Variants in PAPPA2 observed in about 807,000 individuals in gnomAD.
The protein encoded by PAPPA2 is pappalysin-2.
In PAPPA2, 86 loss-of-function variants were observed where a neutral mutation model predicts 176.4. That is an observed-to-expected ratio of 0.49 (90% confidence interval 0.41 to 0.58). The LOEUF (loss-of-function observed/expected upper bound fraction) is 0.58, where lower values mean the gene tolerates loss of function less well. PAPPA2 is among the 20% of genes least tolerant of loss of function. The probability of loss-of-function intolerance (pLI) is 0.00; values close to 1 mark genes in which losing one functional copy is unlikely to be tolerated. For synonymous variants in PAPPA2, 809 were observed against 852.2 expected (o/e 0.95, Z 0.88); for missense variants, 2,073 against 2,256.9 (o/e 0.92, Z 1.65).
intron 4 of PAPPA2, among the ~76,000 whole-genome samples, chr1:176,674,979 C>A (rs980334164): frequency 9.2e-5 from 14 of 151,980 alleles, no homozygotes; most frequent in Non-Finnish European, 1.6e-4. Flanking sequence ...GCCTTTCTTG[C>A]AGGAGTAATG....
chr1:176,517,496 A>C (rs974421644), intron 1 of PAPPA2, among the ~76,000 whole-genome samples: 2 of 152,184 alleles, frequency 1.3e-5, no homozygotes, highest in East Asian at 3.8e-4. Flanking sequence ...TAAAAAGGAA[A>C]CTATCAATGT....
At chr1:176,585,569 G>T (rs1047413240) in intron 2 of PAPPA2, among the ~76,000 whole-genome samples, 5 of 151,956 alleles carry the variant, frequency 3.3e-5, no homozygotes, top group African/African-American at 1.2e-4. Flanking sequence ...CATTAAATAG[G>T]TTTCCTTCAC....
chr1:176,715,909 TG>T (rs1202499090), intron 12 of PAPPA2, among the ~76,000 whole-genome samples: 1 of 152,052 alleles, frequency 6.6e-6, no homozygotes, highest in Non-Finnish European at 1.5e-5. Context: ...AACAAACTAG[TG>T]CTGGATTATT....
At chr1:176,799,377 C>A (rs1665574147) in intron 20 of PAPPA2, among the ~76,000 whole-genome samples, 1 of 152,174 alleles carries the variant, frequency 6.6e-6, no homozygotes, top group Non-Finnish European at 1.5e-5. Flanking sequence ...AAGAGGCAGT[C>A]AACAGCATCT....
chr1:176,826,227 A>G (rs536564651), intron 21 of PAPPA2, among the ~76,000 whole-genome samples: 7 of 152,330 alleles, frequency 4.6e-5, no homozygotes, highest in African/African-American at 1.7e-4. Flanking sequence ...AGAAAATACA[A>G]CTGAGAGATG....
chr1:176,750,566 C>T lies in PAPPA2; in HGVS notation c.4151+10370C>T, dbSNP rs149729404. 5.4e-3 allele frequency among the ~76,000 whole-genome samples: 822 copies of T among 152,196 alleles called. 9 individuals carry two copies. The highest frequency in any genetic ancestry group is 0.018 in the African/African-American group (752 of 41,528). Reference sequence around the variant, plus strand: ...GTTGCAGTGAACCGAGATCGCACCACTGCACTCCAGCCTGGGTGACAGAGC... The same window carrying T: ...GTTGCAGTGAACCGAGATCGCACCATTGCACTCCAGCCTGGGTGACAGAGC... On this transcript the variant is annotated intron_variant, in intron 14 of 22. Transcript: ENST00000367662.
intron 14 of PAPPA2, among the ~76,000 whole-genome samples, chr1:176,755,378 A>C (rs550044922): frequency 6.6e-6 from 1 of 152,194 alleles, no homozygotes; most frequent in Non-Finnish European, 1.5e-5. Context: ...CAGAGCAGCC[A>C]GGCTACCCTG....
intron 1 of PAPPA2, among the ~76,000 whole-genome samples, chr1:176,494,352 C>G (rs1647478823): frequency 6.6e-6 from 1 of 152,150 alleles, no homozygotes; most frequent in African/African-American, 2.4e-5. Context: ...GGAGGCCACA[C>G]ACAACACATA....
chr1:176,678,408 TA>T (rs931023429), intron 4 of PAPPA2, among the ~76,000 whole-genome samples: 5 of 151,526 alleles, frequency 3.3e-5, no homozygotes, highest in Non-Finnish European at 5.9e-5. Context: ...ATCATTTATT[TA>T]AAAAAAATCA....
intron 4 of PAPPA2, among the ~76,000 whole-genome samples, chr1:176,685,008 TG>T (rs888124665): frequency 1.7e-4 from 26 of 151,740 alleles, no homozygotes; most frequent in African/African-American, 5.6e-4. Flanking sequence ...TTGATGAGGT[TG>T]TTCTCCTACT....
chr1:176,582,187 A>G lies in PAPPA2; in HGVS notation c.920-12337A>G, dbSNP rs553203982. On this transcript the variant is annotated intron_variant, in intron 2 of 22. Transcript: ENST00000367662. ...TGTGATCCACCCGCCTCGGCCTCCCAAAGTGTTGGGATTGCAGGCATGAGC... is the reference window on the plus strand; with the variant it reads ...TGTGATCCACCCGCCTCGGCCTCCCGAAGTGTTGGGATTGCAGGCATGAGC... Among the ~76,000 whole-genome samples, 164 of 151,960 alleles carry G rather than the reference A, an allele frequency of 1.1e-3. 1 individual carries two copies. The highest frequency in any genetic ancestry group is 2.1e-3 in the Non-Finnish European group (140 of 67,974).
intron 1 of PAPPA2, among the ~76,000 whole-genome samples, chr1:176,494,095 A>G (rs146796451): frequency 6.6e-6 from 1 of 152,350 alleles, no homozygotes; most frequent in Non-Finnish European, 1.5e-5. Flanking sequence ...CTGAACATAA[A>G]TTAGACTGAA....
intron 17 of PAPPA2, among the ~76,000 whole-genome samples, chr1:176,772,637 C>G (rs984693410): frequency 1.3e-5 from 2 of 152,110 alleles, no homozygotes; most frequent in African/African-American, 4.8e-5. Context: ...ATAAACAATA[C>G]TGATGAAAAA....
intron 12 of PAPPA2, among the ~76,000 whole-genome samples, chr1:176,723,115 G>C (rs1661700922): frequency 6.6e-6 from 1 of 152,154 alleles, no homozygotes; most frequent in South Asian, 2.1e-4. Context: ...AAGAGAGCAT[G>C]TGAGACAGAG....
intron 21 of PAPPA2, among the ~76,000 whole-genome samples, chr1:176,831,777 A>C (rs972799873): frequency 1.3e-5 from 2 of 152,210 alleles, no homozygotes; most frequent in African/African-American, 4.8e-5. Flanking sequence ...CACATATCAG[A>C]GAAGAAATAT....
chr1:176,639,059 T>A (rs143355691), intron 3 of PAPPA2, among the ~76,000 whole-genome samples: 130 of 151,570 alleles, frequency 8.6e-4, no homozygotes, highest in Admixed American at 3.6e-3. Flanking sequence ...CTGACTTTTT[T>A]AAAAAAAATA....
chr1:176,545,586 TA>T (rs1650592820), intron 1 of PAPPA2, among the ~76,000 whole-genome samples: 1 of 152,144 alleles, frequency 6.6e-6, no homozygotes, highest in African/African-American at 2.4e-5. Context: ...GGAGATGATT[TA>T]AAGCATCTGG....
intron 21 of PAPPA2, among the ~76,000 whole-genome samples, chr1:176,831,554 C>T (rs1335356718): frequency 6.6e-6 from 1 of 152,200 alleles, no homozygotes; most frequent in Non-Finnish European, 1.5e-5. Context: ...CTGCCCTCCT[C>T]CTGGCCTTGA....
chr1:176,667,246 C>CA (rs200587040), intron 3 of PAPPA2, among the ~76,000 whole-genome samples: 9,741 of 128,868 alleles, frequency 0.076, 357 homozygotes, highest in South Asian at 0.16. Context: ...AACTCGGTCT[C>CA]AAAAAAAAAA....
Sources: gnomAD v4.1 joint callset for allele counts (sites outside exome capture counted in the v4.1 genomes callset) on GRCh38, gnomAD v4.1.1 for gene constraint, MANE v1.5 for transcripts, NCBI Gene and HGNC (gene_info 2026-07-23, HGNC 2026-07-21) for gene names.